TIAM1: variants seen among roughly 807,000 people sequenced by gnomAD.
TIAM1 encodes the protein TIAM Rac1 associated GEF 1, also known as rho guanine nucleotide exchange factor TIAM1.
In TIAM1, 65 loss-of-function variants were observed where a neutral mutation model predicts 163.5. That is an observed-to-expected ratio of 0.40 (90% CI 0.33 to 0.49). TIAM1 has a LOEUF of 0.49. TIAM1 is among the 20% of genes least tolerant of loss of function. The probability of loss-of-function intolerance (pLI) is 0.77; values close to 1 mark genes in which losing one functional copy is unlikely to be tolerated. For missense variants in TIAM1, 1,789 were observed against 2,044.7 expected (o/e 0.87, Z 2.41); for synonymous variants, 833 against 810.1 (o/e 1.03, Z -0.48).
In TIAM1 at chr21:31,485,882, G is replaced by C. The variant is rs565526060; in HGVS notation, c.-421-21847C>G. Among the ~76,000 whole-genome samples the C allele has an allele frequency of 1.1e-4, 16 of 152,270 alleles. 1 individual carries two copies. Among genetic ancestry groups the C allele is most frequent in the Admixed American group, 5.2e-4 (8 of 15,302 alleles). On this transcript the variant is annotated intron_variant, in intron 1 of 28. Coordinates refer to the TIAM1 transcript ENST00000286827. ...CAGATGAGGAAACCCAGGCACGAAG[G>C]GGGTGAGTTCCCTGTACAAGGTGAC...
intron 2 of TIAM1, among the ~76,000 whole-genome samples, chr21:31,425,919 G>A (rs2043778234): frequency 6.6e-6 from 1 of 152,020 alleles, no homozygotes; most frequent in South Asian, 2.1e-4. Context: ...TTTTAGTAGA[G>A]ATGAGGTCTC....
chr21:31,148,820 G>A (rs572620875), intron 19 of TIAM1, among the ~76,000 whole-genome samples: 1 of 152,264 alleles, frequency 6.6e-6, no homozygotes, highest in South Asian at 2.1e-4. Context: ...GCTTCTCACA[G>A]GCTGACGTAC....
chr21:31,500,014 A>G (rs2046799366), intron 1 of TIAM1, among the ~76,000 whole-genome samples: 1 of 151,712 alleles, frequency 6.6e-6, no homozygotes, highest in Non-Finnish European at 1.5e-5. Context: ...TAAAATACAA[A>G]AATTAGCTGG....
chr21:31,187,359 T>C (rs1019422534), intron 13 of TIAM1, among the ~76,000 whole-genome samples: 2 of 152,194 alleles, frequency 1.3e-5, no homozygotes, highest in Non-Finnish European at 2.9e-5. Flanking sequence ...TAATCTTGCT[T>C]CCTGGTAAAC....
intron 2 of TIAM1, among the ~76,000 whole-genome samples, chr21:31,384,166 A>G (rs1376976807): frequency 6.6e-6 from 1 of 152,102 alleles, no homozygotes; most frequent in African/African-American, 2.4e-5. Context: ...GGCACCTCGT[A>G]AGTTTAATGA....
intron 1 of TIAM1, among the ~76,000 whole-genome samples, chr21:31,547,916 A>T (rs2048548261): frequency 6.6e-6 from 1 of 152,216 alleles, no homozygotes; most frequent in Non-Finnish European, 1.5e-5. Flanking sequence ...AACTTGCTCA[A>T]GCACACAAAA....
chr21:31,366,881 G>T (rs1035946473), intron 2 of TIAM1, among the ~76,000 whole-genome samples: 1 of 152,184 alleles, frequency 6.6e-6, no homozygotes, highest in Non-Finnish European at 1.5e-5. Flanking sequence ...GCCTACCAAA[G>T]TGCTGGGATT....
intron 3 of TIAM1, among the ~76,000 whole-genome samples, chr21:31,275,397 A>G (rs2073253706): frequency 6.6e-6 from 1 of 152,312 alleles, no homozygotes; most frequent in East Asian, 1.9e-4. Context: ...GGATGTGGGC[A>G]CTATGCTGAC....
rs112976456 is a variant in TIAM1, at chr21:31,507,932, G to C, written c.-421-43897C>G. On this transcript the variant is annotated intron_variant, in intron 1 of 28. Transcript: ENST00000286827. ...TGTGACTGTGACCCAACTGGAAATA[G>C]GGTCTTCGTAGACATAATCAAGTTA... 1.6e-3 allele frequency among the ~76,000 whole-genome samples: 242 copies of C among 152,324 alleles called. 1 individual carries two copies. Among genetic ancestry groups the C allele is most frequent in the African/African-American group, 5.4e-3 (226 of 41,562 alleles).
chr21:31,347,694 T>A (rs905587665), upstream of TIAM1, among the ~76,000 whole-genome samples: 5 of 152,180 alleles, frequency 3.3e-5, no homozygotes, highest in Non-Finnish European at 7.3e-5. Context: ...CGCTAAATGA[T>A]ACAAAAATAA....
chr21:31,197,183 G>C (rs1409877383), intron 12 of TIAM1, among the ~76,000 whole-genome samples: 1 of 152,136 alleles, frequency 6.6e-6, no homozygotes, highest in Non-Finnish European at 1.5e-5. Flanking sequence ...CTAAACCTCA[G>C]CATCATGCGA....
rs116700217 is a variant in TIAM1, at chr21:31,351,129, G to A, written c.-368-11707C>T. Among the ~76,000 whole-genome samples the A allele has an allele frequency of 5.5e-3, 831 of 152,218 alleles. 4 individuals are homozygous for A. The highest frequency in any genetic ancestry group is 0.019 in the African/African-American group (799 of 41,536). ...CAAGTTACTTTCAATCAGAGAATAC[G>A]ACAAACCTGTATCTCAAAATATTAA... On this transcript the variant is annotated intron_variant, in intron 2 of 28. Transcript: ENST00000286827.
intron 1 of TIAM1, among the ~76,000 whole-genome samples, chr21:31,488,922 T>C (rs1025791395): frequency 6.6e-5 from 10 of 151,974 alleles, no homozygotes; most frequent in African/African-American, 1.7e-4. Context: ...TATTCATAAG[T>C]GGCAAAATTA....
intron 2 of TIAM1, among the ~76,000 whole-genome samples, chr21:31,324,850 G>A (rs1320920012): frequency 6.6e-6 from 1 of 152,086 alleles, no homozygotes; most frequent in African/African-American, 2.4e-5. Context: ...GAAATATTTT[G>A]GTAATGTTTC....
chr21:31,394,702 TCTCTCG>T (rs1235310978), intron 2 of TIAM1, among the ~76,000 whole-genome samples: 65 of 94,974 alleles, frequency 6.8e-4, no homozygotes, highest in African/African-American at 2.1e-3. Flanking sequence ...TCTCTCTCTC[TCTCTCG>T]CTCTCTCTCT....
chr21:31,270,494 A>G (rs970591349), intron 3 of TIAM1, among the ~76,000 whole-genome samples: 45 of 152,220 alleles, frequency 3.0e-4, no homozygotes, highest in African/African-American at 1.1e-3. Flanking sequence ...GTGGTCCCAC[A>G]TAGCTCTCAT....
chr21:31,382,456 A>T (rs539417790), intron 2 of TIAM1, among the ~76,000 whole-genome samples: 1 of 152,386 alleles, frequency 6.6e-6, no homozygotes, highest in African/African-American at 2.4e-5. Flanking sequence ...ATTTCTGATC[A>T]TTAGCTACCA....
Position 31,454,723 on chromosome 21 carries a change from C to T in TIAM1, c.-369+9260G>A, listed in dbSNP as rs141210008. Among the ~76,000 whole-genome samples, 131 of 152,228 alleles carry T rather than the reference C, an allele frequency of 8.6e-4. 1 individual carries two copies. Among genetic ancestry groups the T allele is most frequent in the African/African-American group, 2.8e-3 (118 of 41,520 alleles). ...AAGGATAATGGGCACCAGAGTTTTG[C>T]TTGTTGGAGAAGCCATTTAAATGTG... On this transcript the variant is annotated intron_variant, in intron 2 of 28. Coordinates refer to the TIAM1 transcript ENST00000286827.
chr21:31,205,822 C>T (rs7279551), intron 11 of TIAM1, among the ~76,000 whole-genome samples: 46 of 151,998 alleles, frequency 3.0e-4, no homozygotes, highest in African/African-American at 1.1e-3. Flanking sequence ...AACTTAGCCA[C>T]GCATGGTGGG....
Sources: allele counts gnomAD v4.1 joint callset (sites outside exome capture counted in the v4.1 genomes callset), GRCh38; gene constraint gnomAD v4.1.1; transcripts MANE v1.5; gene names NCBI Gene and HGNC (gene_info 2026-07-23, HGNC 2026-07-21).